The following NREP variants were observed in gnomAD, a reference collection of about 807,000 sequenced individuals.
NREP encodes the protein neuronal regeneration-related protein.
In NREP, 5 loss-of-function variants were observed where a neutral mutation model predicts 8.6. That is an observed-to-expected ratio of 0.58 (90% CI 0.30 to 1.22). NREP has a LOEUF of 1.22. Among genes scored for constraint, NREP ranks in the 50% most tolerant of loss-of-function variants. NREP has a pLI of 0.07. For synonymous variants in NREP, 27 were observed against 28.0 expected, an observed-to-expected ratio of 0.96 and a Z score of 0.11; for missense variants, 86 against 82.5, an observed-to-expected ratio of 1.04 and a Z score of -0.17.
intron 2 of NREP, among the ~76,000 whole-genome samples, chr5:111,754,969 T>G (rs1215388270): frequency 6.6e-6 from 1 of 152,202 alleles, no homozygotes; most frequent in African/African-American, 2.4e-5. Context: ...AGTATAAACA[T>G]CTGCAGTAGG....
At chr5:111,759,972 T>C (rs180713654), upstream of NREP, among the ~76,000 whole-genome samples, 4 of 152,298 alleles carry the variant, frequency 2.6e-5, no homozygotes, top group East Asian at 5.8e-4. Flanking sequence ...CTCTCAATCA[T>C]AGAATATCAG....
chr5:111,885,612 A>T (rs1754222105), intron 2 of NREP, among the ~76,000 whole-genome samples: 1 of 152,008 alleles, frequency 6.6e-6, no homozygotes, highest in Admixed American at 6.5e-5. Flanking sequence ...TGGTACTGGT[A>T]CCAAAACAGA....
intron 2 of NREP, among the ~76,000 whole-genome samples, chr5:111,795,895 A>C (rs1581123612): frequency 6.6e-6 from 1 of 152,222 alleles, no homozygotes; most frequent in Admixed American, 6.5e-5. Flanking sequence ...CATTATTCCC[A>C]TTGTGCAGAT....
intron 2 of NREP, chr5:111,755,534 G>C (rs963379250): frequency 9.1e-6 from 5 of 550,018 alleles, no homozygotes; most frequent in African/African-American, 3.8e-5. Flanking sequence ...ACTTCTGAAA[G>C]AGGAATTTTA....
intron 2 of NREP, among the ~76,000 whole-genome samples, chr5:111,823,921 G>C (rs779793756): frequency 1.3e-5 from 2 of 152,174 alleles, no homozygotes; most frequent in Non-Finnish European, 2.9e-5. Context: ...TATTTTACAA[G>C]TTTAGTTTTA....
rs558526772 is a variant in NREP at position 111,814,397 on chromosome 5, C to T, written c.136-78890G>A. The stretch of plus-strand genomic sequence containing the variant: ...ATGTTGTGGGCCAAAATAAAGTGAA[C>T]GCAATTACATGCCATTCGAAGAGCT... On this transcript the variant is annotated intron_variant, in intron 2 of 3. Coordinates refer to the NREP transcript ENST00000395634. Among the ~76,000 whole-genome samples, 44 of 152,218 alleles carry T rather than the reference C, an allele frequency of 2.9e-4. 1 individual carries two copies. Among genetic ancestry groups the T allele is most frequent in the South Asian group, 1.2e-3 (6 of 4,820 alleles).
At chr5:111,929,965 C>T (rs577997822) in intron 2 of NREP, among the ~76,000 whole-genome samples, 4 of 152,244 alleles carry the variant, frequency 2.6e-5, no homozygotes, top group Admixed American at 2.6e-4. Context: ...CTGAATTTGT[C>T]TGCAGGCAAT....
At chr5:111,809,523 A>G (rs1752220762) in intron 2 of NREP, among the ~76,000 whole-genome samples, 1 of 152,208 alleles carries the variant, frequency 6.6e-6, no homozygotes, top group South Asian at 2.1e-4. Flanking sequence ...GTTCTCTCTC[A>G]GGTGAGACTG....
intron 2 of NREP, among the ~76,000 whole-genome samples, chr5:111,958,402 T>A (rs759723958): frequency 4.6e-5 from 7 of 151,916 alleles, no homozygotes; most frequent in African/African-American, 1.2e-4. Flanking sequence ...CAATTCATAG[T>A]TGATAAAATT....
intron 2 of NREP, among the ~76,000 whole-genome samples, chr5:111,883,107 G>A (rs1365269230): frequency 6.6e-6 from 1 of 152,188 alleles, no homozygotes; most frequent in Non-Finnish European, 1.5e-5. Flanking sequence ...ACACACATAG[G>A]CTCCAAATAA....
intron 2 of NREP, among the ~76,000 whole-genome samples, chr5:111,856,532 G>A (rs1376893804): frequency 1.3e-5 from 2 of 152,128 alleles, no homozygotes; most frequent in Non-Finnish European, 2.9e-5. Flanking sequence ...AAGAGGAAAG[G>A]TTGAGAGTGT....
chr5:111,846,903 G>A (rs1025442284), intron 2 of NREP, among the ~76,000 whole-genome samples: 2 of 152,006 alleles, frequency 1.3e-5, no homozygotes, highest in Non-Finnish European at 2.9e-5. Context: ...TTTCATTCAT[G>A]TCCATTTTTC....
intron 2 of NREP, among the ~76,000 whole-genome samples, chr5:111,789,156 T>C (rs1751681598): frequency 6.6e-6 from 1 of 152,244 alleles, no homozygotes; most frequent in South Asian, 2.1e-4. Context: ...TTCATGTATA[T>C]ACACATATAT....
chr5:111,878,337 A>G (rs1436310949), intron 2 of NREP, among the ~76,000 whole-genome samples: 2 of 152,222 alleles, frequency 1.3e-5, no homozygotes, highest in African/African-American at 2.4e-5. Flanking sequence ...ACTTGTAATC[A>G]TGGCTGAAGG....
chr5:111,781,150 C>A (rs1161569906), intron 2 of NREP, among the ~76,000 whole-genome samples: 1 of 152,068 alleles, frequency 6.6e-6, no homozygotes, highest in Non-Finnish European at 1.5e-5. Context: ...CTCCTCCCAC[C>A]CTCCACTTCT....
intron 2 of NREP, among the ~76,000 whole-genome samples, chr5:111,830,347 G>GAAAC: frequency 6.6e-6 from 1 of 152,120 alleles, no homozygotes; most frequent in South Asian, 2.1e-4. Flanking sequence ...GGATTTCTCA[G>GAAAC]AAACAAACAA....
At chr5:111,893,856 C>T (rs371823181) in intron 2 of NREP, among the ~76,000 whole-genome samples, 1 of 151,638 alleles carries the variant, frequency 6.6e-6, no homozygotes, top group Non-Finnish European at 1.5e-5. Flanking sequence ...TTTTACAGGG[C>T]GGGCTAAAAA....
intron 2 of NREP, among the ~76,000 whole-genome samples, chr5:111,916,485 T>C (rs1195811389): frequency 6.6e-6 from 1 of 152,102 alleles, no homozygotes; most frequent in Non-Finnish European, 1.5e-5. Context: ...GAGTACCCTA[T>C]CATCACATCT....
intron 2 of NREP, among the ~76,000 whole-genome samples, chr5:111,869,494 G>A (rs556119418): frequency 4.6e-5 from 7 of 152,130 alleles, no homozygotes; most frequent in Non-Finnish European, 1.0e-4. Flanking sequence ...TAACTACCCT[G>A]GTCTTATCAG....
Sources: allele counts gnomAD v4.1 joint callset (sites outside exome capture counted in the v4.1 genomes callset), GRCh38; gene constraint gnomAD v4.1.1; transcripts MANE v1.5; gene names NCBI Gene and HGNC (gene_info 2026-07-23, HGNC 2026-07-21).